The following FAT3 variants were observed in gnomAD, a reference collection of about 807,000 sequenced individuals.
FAT3 encodes FAT atypical cadherin 3.
FAT3 carries 95 observed loss-of-function variants against 310.2 expected under a neutral mutation model. That is an observed-to-expected ratio of 0.31 (90% CI 0.26 to 0.36). FAT3 has a LOEUF of 0.36. FAT3 is among the 10% of genes least tolerant of loss of function. The pLI, the probability that FAT3 is intolerant of heterozygous loss-of-function variation, is 1.00. For missense variants in FAT3, 5,408 were observed against 5,715.6 expected (o/e 0.95, Z 1.74); for synonymous variants, 2,314 against 2,192.9 (o/e 1.06, Z -1.54).
chr11:92,659,281 G>A (rs554920636), intron 3 of FAT3, among the ~76,000 whole-genome samples: 2 of 152,246 alleles, frequency 1.3e-5, no homozygotes, highest in South Asian at 4.1e-4. Context: ...CCAAGTTCTT[G>A]TTATTTCTGT....
At chr11:92,789,864 G>C in intron 7 of FAT3, 79 bp from the exon 8 acceptor site, 1 of 1,479,140 alleles carries the variant, frequency 6.8e-7, no homozygotes. Context: ...GAAGCGGGGA[G>C]AAAAAGAGGG....
chr11:92,292,579 C>T (rs1946719375), intron 1 of FAT3, among the ~76,000 whole-genome samples: 3 of 152,192 alleles, frequency 2.0e-5, no homozygotes, highest in Admixed American at 1.3e-4. Flanking sequence ...TATGTCCCTG[C>T]ATATTTTTGT....
At position 92,892,879 on chromosome 11, in the gene FAT3, T is replaced by A. The variant is rs1239898082; in HGVS notation, c.*1766T>A. ...AATCATTCCACTGGAAATATAACAA[T>A]CCAGTCCTCAAAACTGAAAGTTGAC... On this transcript the variant is annotated 3_prime_UTR_variant, in exon 28 of 28. Transcript: ENST00000525166. 1 of 152,136 alleles carries A rather than the reference T, an allele frequency of 6.6e-6. No homozygotes were observed. Among genetic ancestry groups the A allele is most frequent in the African/African-American group, 2.4e-5 (1 of 41,436 alleles). The allele number at this position is 152,136 out of a possible 1,614,324, so 9.4% of individuals were successfully genotyped here. A position where few individuals can be genotyped will look rare whatever the true frequency, so the allele number is the denominator to read the frequency against.
At chr11:92,486,610 C>T (rs1177462355) in intron 2 of FAT3, among the ~76,000 whole-genome samples, 1 of 152,070 alleles carries the variant, frequency 6.6e-6, no homozygotes, top group African/African-American at 2.4e-5. Context: ...CCAAATGATT[C>T]CATCCGTATC....
chr11:92,763,847 C>A (rs997738624), intron 5 of FAT3, among the ~76,000 whole-genome samples: 1 of 152,066 alleles, frequency 6.6e-6, no homozygotes, highest in Non-Finnish European at 1.5e-5. Context: ...CTGGGGGAAC[C>A]TGGCTTAAGA....
chr11:92,684,286 A>G (rs1291015676), intron 3 of FAT3, among the ~76,000 whole-genome samples: 25 of 152,154 alleles, frequency 1.6e-4, no homozygotes, highest in Admixed American at 1.6e-3. Flanking sequence ...TAGAAGAAAC[A>G]TTTTGCACCT....
At chr11:92,585,442 A>C (rs565513274) in intron 3 of FAT3, among the ~76,000 whole-genome samples, 1 of 152,194 alleles carries the variant, frequency 6.6e-6, no homozygotes, top group East Asian at 1.9e-4. Flanking sequence ...CTAGTGTCTT[A>C]AAATAGTTGT....
intron 3 of FAT3, among the ~76,000 whole-genome samples, chr11:92,676,648 A>T (rs184571731): frequency 5.3e-5 from 8 of 152,336 alleles, no homozygotes; most frequent in Non-Finnish European, 1.2e-4. Context: ...TGAAATAAGT[A>T]AGATTGAGAA....
rs71064714 is a variant in FAT3, at chr11:92,486,130, G to GTTTTTTTTTTTTTTTTTTTTTTTTTTTT, written c.3293-38503_3293-38476dup. ...GTGAAATAGAGGAGAGGCTGCTGGG[G>GTTTTTTTTTTTTTTTTTTTTTTTTTTTT]TTTTTTTTTTTTTTTTTTTTTTTTT... On this transcript the variant is annotated intron_variant, in intron 2 of 27. Coordinates refer to ENST00000525166, the MANE Select transcript of FAT3 (RefSeq NM_001367949.2). Among the ~76,000 whole-genome samples, 6 of 37,142 alleles carry GTTTTTTTTTTTTTTTTTTTTTTTTTTTT rather than the reference G, an allele frequency of 1.6e-4. 1 individual carries two copies. Among genetic ancestry groups the GTTTTTTTTTTTTTTTTTTTTTTTTTTTT allele is most frequent in the African/African-American group, 2.6e-4 (3 of 11,558 alleles). The allele number at this position is 37,142 out of a possible 152,430, so 24.4% of individuals were successfully genotyped here.
At chr11:92,295,488 G>A (rs1475899670) in intron 1 of FAT3, among the ~76,000 whole-genome samples, 9 of 152,110 alleles carry the variant, frequency 5.9e-5, no homozygotes, top group African/African-American at 2.2e-4. Context: ...CTGAATTATG[G>A]ATGCAGGGTC....
intron 2 of FAT3, among the ~76,000 whole-genome samples, chr11:92,459,082 A>G (rs1406463538): frequency 6.6e-6 from 1 of 152,224 alleles, no homozygotes; most frequent in Non-Finnish European, 1.5e-5. Context: ...CCCCTACTGC[A>G]TCATGGCCTG....
intron 6 of FAT3, among the ~76,000 whole-genome samples, chr11:92,772,772 T>C (rs1253049902): frequency 6.6e-6 from 1 of 152,128 alleles, no homozygotes; most frequent in Non-Finnish European, 1.5e-5. Flanking sequence ...ATTTGAAATA[T>C]ATATATGACC....
chr11:92,600,366 G>A (rs550522443), intron 3 of FAT3, among the ~76,000 whole-genome samples: 2 of 152,142 alleles, frequency 1.3e-5, no homozygotes, highest in East Asian at 1.9e-4. Flanking sequence ...TGCCCTCAAG[G>A]AAGTTAAAAA....
chr11:92,374,978 G>A (rs536953377), intron 2 of FAT3, among the ~76,000 whole-genome samples: 3 of 152,194 alleles, frequency 2.0e-5, no homozygotes, highest in Admixed American at 6.5e-5. Flanking sequence ...TTCCATTCTA[G>A]TTGGGAGCAT....
intron 3 of FAT3, among the ~76,000 whole-genome samples, chr11:92,543,714 A>G (rs1954525152): frequency 6.6e-6 from 1 of 152,206 alleles, no homozygotes; most frequent in African/African-American, 2.4e-5. Context: ...AGTAAGCTAA[A>G]TTCAACACTC....
chr11:92,732,083 G>A (rs1945198628), intron 4 of FAT3, among the ~76,000 whole-genome samples: 1 of 151,882 alleles, frequency 6.6e-6, no homozygotes, highest in Non-Finnish European at 1.5e-5. Flanking sequence ...TTGCCCTTGG[G>A]GGATATTTTT....
chr11:92,862,305 A>G (rs1053714433), intron 21 of FAT3, among the ~76,000 whole-genome samples: 1 of 152,200 alleles, frequency 6.6e-6, no homozygotes, highest in African/African-American at 2.4e-5. Context: ...TAAAAGAAAC[A>G]TGGCATTCTT....
chr11:92,732,711 T>G (rs1257491050), intron 4 of FAT3, among the ~76,000 whole-genome samples: 1 of 152,228 alleles, frequency 6.6e-6, no homozygotes, highest in Non-Finnish European at 1.5e-5. Flanking sequence ...ACAGAGATTT[T>G]ACTAGAATTA....
Position 92,647,742 on chromosome 11 carries a change from A to G in FAT3, c.3608-49642A>G, listed in dbSNP as rs558689482. Among the ~76,000 whole-genome samples, 11 of 152,194 alleles carry G rather than the reference A, an allele frequency of 7.2e-5. No individual in the cohort carries two copies. The South Asian group carries it at 2.1e-3, about 29-fold the overall frequency. The stretch of plus-strand genomic sequence containing the variant: ...CTATCAATTAAATGGAATTTCCTCA[A>G]TCATGTTTCTGGATCTTAATACCTC... On this transcript the variant is annotated intron_variant, in intron 3 of 27. Transcript: ENST00000525166.
Sources: gnomAD v4.1 joint callset for allele counts (sites outside exome capture counted in the v4.1 genomes callset) on GRCh38, gnomAD v4.1.1 for gene constraint, MANE v1.5 for transcripts, NCBI Gene and HGNC (gene_info 2026-07-23, HGNC 2026-07-21) for gene names.